Variants in SLC35F3 observed in about 807,000 individuals in gnomAD.
SLC35F3 encodes solute carrier family 35 member F3.
A neutral mutation model predicts 49.9 loss-of-function variants in SLC35F3; 25 were observed. That is an observed-to-expected ratio of 0.50 (90% CI 0.37 to 0.70). SLC35F3 has a LOEUF of 0.70. SLC35F3 is among the 30% of genes least tolerant of loss of function. The pLI, the probability that SLC35F3 is intolerant of heterozygous loss-of-function variation, is 0.00. For synonymous variants in SLC35F3, 275 were observed against 265.4 expected, an observed-to-expected ratio of 1.04 and a Z score of -0.35; for missense variants, 525 against 639.8, an observed-to-expected ratio of 0.82 and a Z score of 1.94.
At chr1:233,999,471 C>T (rs967608222) in intron 2 of SLC35F3, among the ~76,000 whole-genome samples, 9 of 152,160 alleles carry the variant, frequency 5.9e-5, no homozygotes, top group Admixed American at 1.3e-4. Context: ...AGCCTAGGTT[C>T]GATGCCATCC....
At chr1:234,023,986 A>T (rs985523150) in intron 2 of SLC35F3, among the ~76,000 whole-genome samples, 2 of 152,108 alleles carry the variant, frequency 1.3e-5, no homozygotes, top group Admixed American at 1.3e-4. Flanking sequence ...CATATCCTGG[A>T]AGGGATCCTC....
chr1:234,114,288 T>C (rs932879970), intron 2 of SLC35F3, among the ~76,000 whole-genome samples: 18 of 152,310 alleles, frequency 1.2e-4, no homozygotes, highest in African/African-American at 4.3e-4. Context: ...ATTTGAAAAA[T>C]GTGCACTGAA....
intron 2 of SLC35F3, among the ~76,000 whole-genome samples, chr1:233,944,228 CAGT>C (rs762134064): frequency 1.3e-5 from 2 of 152,080 alleles, no homozygotes; most frequent in Non-Finnish European, 2.9e-5. Context: ...AAAAAACATC[CAGT>C]AGATCAACAA....
At chr1:234,263,049 A>G (rs1667929658) in intron 3 of SLC35F3, among the ~76,000 whole-genome samples, 1 of 152,212 alleles carries the variant, frequency 6.6e-6, no homozygotes, top group Admixed American at 6.5e-5. Flanking sequence ...TGATGGGATC[A>G]CACACATAAG....
chr1:233,997,628 A>G (rs1035271079), intron 2 of SLC35F3, among the ~76,000 whole-genome samples: 18 of 152,138 alleles, frequency 1.2e-4, no homozygotes, highest in Non-Finnish European at 2.6e-4. Flanking sequence ...CCCTGGGGGC[A>G]CACCATTCCT....
chr1:234,269,061 A>G (rs1217664180), intron 3 of SLC35F3, among the ~76,000 whole-genome samples: 1 of 152,236 alleles, frequency 6.6e-6, no homozygotes, highest in Non-Finnish European at 1.5e-5. Context: ...GGAGTCTTCA[A>G]AGTTACTGAA....
chr1:234,134,687 C>G (rs1218666978), intron 2 of SLC35F3, among the ~76,000 whole-genome samples: 1 of 151,922 alleles, frequency 6.6e-6, no homozygotes, highest in Non-Finnish European at 1.5e-5. Context: ...GGATTAAAAC[C>G]TTTGTAGTGG....
chr1:233,927,515 C>T (rs114916198), intron 2 of SLC35F3, among the ~76,000 whole-genome samples: 465 of 152,154 alleles, frequency 3.1e-3, no homozygotes, highest in South Asian at 0.012. Flanking sequence ...AAAAAATTTC[C>T]GTCCATTTTA....
chr1:234,083,722 T>C (rs555751088), intron 2 of SLC35F3, among the ~76,000 whole-genome samples: 13 of 152,192 alleles, frequency 8.5e-5, no homozygotes, highest in Non-Finnish European at 1.8e-4. Flanking sequence ...AGTCTTGTCA[T>C]CAGAATCACT....
intron 3 of SLC35F3, among the ~76,000 whole-genome samples, chr1:234,300,276 C>T (rs1349884721): frequency 1.3e-5 from 2 of 152,180 alleles, no homozygotes; most frequent in South Asian, 2.1e-4. Context: ...ATGCATCCCA[C>T]ATATAAACTG....
At chr1:234,040,852 G>C (rs1459212290) in intron 2 of SLC35F3, among the ~76,000 whole-genome samples, 1 of 152,184 alleles carries the variant, frequency 6.6e-6, no homozygotes, top group Non-Finnish European at 1.5e-5. Flanking sequence ...AGATTCAAAA[G>C]AAAACATGTC....
chr1:234,044,996 C>T (rs1664269084), intron 2 of SLC35F3, among the ~76,000 whole-genome samples: 1 of 152,190 alleles, frequency 6.6e-6, no homozygotes. Context: ...ATCTGCATTG[C>T]AAAATCTTTA....
chr1:233,935,518 T>G (rs910364941), intron 2 of SLC35F3, among the ~76,000 whole-genome samples: 1 of 152,150 alleles, frequency 6.6e-6, no homozygotes, highest in African/African-American at 2.4e-5. Context: ...AACCGATTTT[T>G]TTTTCCTTGG....
intron 2 of SLC35F3, among the ~76,000 whole-genome samples, chr1:234,201,677 G>A (rs1666901269): frequency 6.6e-6 from 1 of 152,208 alleles, no homozygotes; most frequent in Non-Finnish European, 1.5e-5. Flanking sequence ...CAGCTCAGCA[G>A]AGAGCTCTTC....
chr1:234,297,702 C>T (rs191507210), intron 3 of SLC35F3, among the ~76,000 whole-genome samples: 1 of 151,100 alleles, frequency 6.6e-6, no homozygotes, highest in Admixed American at 6.6e-5. Context: ...CATGATCATG[C>T]CACTGCACTC....
chr1:234,145,587 G>A (rs1016990043), intron 2 of SLC35F3, among the ~76,000 whole-genome samples: 66 of 151,998 alleles, frequency 4.3e-4, no homozygotes, highest in African/African-American at 1.5e-3. Context: ...AAAAAATGAT[G>A]GTTGTCTCTA....
chr1:234,050,854 A>G (rs1664366196), intron 2 of SLC35F3, among the ~76,000 whole-genome samples: 1 of 152,194 alleles, frequency 6.6e-6, no homozygotes, highest in South Asian at 2.1e-4. Flanking sequence ...CTTTCTACAT[A>G]TGGCTAGCCA....
chr1:234,242,860 T>G (rs180812950), intron 3 of SLC35F3, among the ~76,000 whole-genome samples: 35 of 152,358 alleles, frequency 2.3e-4, no homozygotes, highest in Admixed American at 5.9e-4. Flanking sequence ...TAAAGCTCCC[T>G]TGTTGCAGGA....
At chr1:234,114,485 G>T (rs780427661) in intron 2 of SLC35F3, among the ~76,000 whole-genome samples, 4 of 152,158 alleles carry the variant, frequency 2.6e-5, no homozygotes, top group African/African-American at 4.8e-5. Context: ...AGTACTATTA[G>T]TTTGAAGGGA....
Sources: gnomAD v4.1 joint callset for allele counts (sites outside exome capture counted in the v4.1 genomes callset) on GRCh38, gnomAD v4.1.1 for gene constraint, MANE v1.5 for transcripts, NCBI Gene and HGNC (gene_info 2026-07-23, HGNC 2026-07-21) for gene names.